The following PDE10A variants were observed in gnomAD, a reference collection of about 807,000 sequenced individuals.
PDE10A encodes cAMP and cAMP-inhibited cGMP 3',5'-cyclic phosphodiesterase 10A.
PDE10A carries 39 observed loss-of-function variants against 97.7 expected under a neutral mutation model. That is an observed-to-expected ratio of 0.40 (90% CI 0.31 to 0.52). The LOEUF (loss-of-function observed/expected upper bound fraction) is 0.52, where lower values mean the gene tolerates loss of function less well. PDE10A is among the 20% of genes least tolerant of loss of function. PDE10A has a pLI of 0.56. For missense variants in PDE10A, 731 were observed against 1,047.8 expected, an observed-to-expected ratio of 0.70 and a Z score of 4.17; for synonymous variants, 371 against 376.8, an observed-to-expected ratio of 0.98 and a Z score of 0.18.
chr6:165,582,427 T>G (rs904157677), intron 1 of PDE10A, among the ~76,000 whole-genome samples: 2 of 152,196 alleles, frequency 1.3e-5, no homozygotes, highest in African/African-American at 4.8e-5. Context: ...ATAACAGGAC[T>G]GTATTTCAAA....
chr6:165,839,795 C>T (rs1583172795), intron 1 of PDE10A, among the ~76,000 whole-genome samples: 1 of 151,044 alleles, frequency 6.6e-6, no homozygotes, highest in South Asian at 2.1e-4. Flanking sequence ...TCTCCATCCC[C>T]ATCCCCTTCT....
At chr6:165,458,531 C>T (rs1022969289) in intron 3 of PDE10A, among the ~76,000 whole-genome samples, 1 of 152,142 alleles carries the variant, frequency 6.6e-6, no homozygotes, top group Non-Finnish European at 1.5e-5. Context: ...TATTACGCCA[C>T]CAGTCTATGG....
At position 165,388,699 on chromosome 6, in the gene PDE10A, G is replaced by T. The variant is rs1785468201; in HGVS notation, c.2455-246C>A. On this transcript the variant is annotated intron_variant, in intron 16 of 21. Transcript: ENST00000539869. The surrounding 1 kb of genome is among the most constrained non-coding windows in gnomAD (Gnocchi z 4.0). ...GGAATCTGATAGTCAAATTATTTTT[G>T]AGTTTCTCTCTCAACTCTAGGAAAA... 1.3e-5 allele frequency among the ~76,000 whole-genome samples: 2 copies of T among 151,970 alleles called. No homozygotes were observed. Among genetic ancestry groups the T allele is most frequent in the African/African-American group, 2.4e-5 (1 of 41,356 alleles).
chr6:165,920,288 G>A (rs1339718110), intron 1 of PDE10A, among the ~76,000 whole-genome samples: 2 of 151,928 alleles, frequency 1.3e-5, no homozygotes, highest in Non-Finnish European at 2.9e-5. Context: ...CATGATCAAG[G>A]GCATACATTT....
At chr6:165,453,452 T>C (rs1777757612) in intron 3 of PDE10A, among the ~76,000 whole-genome samples, 1 of 152,224 alleles carries the variant, frequency 6.6e-6, no homozygotes, top group South Asian at 2.1e-4. Flanking sequence ...TTCAGAGATC[T>C]TGGAGGCCAT....
At chr6:165,845,958 T>C (rs185273389) in intron 1 of PDE10A, among the ~76,000 whole-genome samples, 3 of 152,176 alleles carry the variant, frequency 2.0e-5, no homozygotes, top group African/African-American at 7.2e-5. Flanking sequence ...GTCTGTATAA[T>C]GCAGCGATTT....
At chr6:165,674,304 C>A (rs780739053) in intron 1 of PDE10A, among the ~76,000 whole-genome samples, 8 of 150,364 alleles carry the variant, frequency 5.3e-5, no homozygotes, top group Non-Finnish European at 8.8e-5. Flanking sequence ...TGGTCCCTGG[C>A]GTGCAGCAGG....
chr6:165,821,461 A>T (rs991430898), intron 1 of PDE10A, among the ~76,000 whole-genome samples: 2 of 152,212 alleles, frequency 1.3e-5, no homozygotes, highest in East Asian at 3.8e-4. Flanking sequence ...GATGTCATTT[A>T]TTTAAATGTA....
At position 165,958,543 on chromosome 6, in the gene PDE10A, AAGAAAGAAAGAAAGAAAGAAAGACAGAC is replaced by A. The variant is rs1422881049; in HGVS notation, c.-615+28958_-615+28985del. ...AAAGAAAGAAAGAAAGAAAGAAAGAAAGAAAGAAAGAAAGAAAGAAAGACAGACAGAAAGAAAGACAGAAAGAGAGAAA... is the reference window on the plus strand; with the variant it reads ...AAAGAAAGAAAGAAAGAAAGAAAGAAAGAAAGAAAGACAGAAAGAGAGAAA... On this transcript the variant is annotated intron_variant, in intron 1 of 19. Transcript: ENST00000366882. 5.4e-3 allele frequency among the ~76,000 whole-genome samples: 456 copies of A among 84,620 alleles called. 35 individuals carry two copies. The highest frequency in any genetic ancestry group is 0.015 in the African/African-American group (322 of 21,040). The allele number at this position is 84,620 out of a possible 152,430, so 55.5% of individuals were successfully genotyped here. A position where few individuals can be genotyped will look rare whatever the true frequency, so the allele number is the denominator to read the frequency against.
chr6:165,754,629 A>T (rs1374443439), intron 1 of PDE10A, among the ~76,000 whole-genome samples: 1 of 152,184 alleles, frequency 6.6e-6, no homozygotes, highest in African/African-American at 2.4e-5. Context: ...TAAAACAGTT[A>T]TATTACTTAA....
chr6:165,659,100 T>C (rs1471988345), intron 1 of PDE10A, among the ~76,000 whole-genome samples: 4 of 152,194 alleles, frequency 2.6e-5, no homozygotes, highest in East Asian at 1.9e-4. Context: ...CCGGTCAGTG[T>C]GAAGAGCCAA....
chr6:165,967,432 G>A (rs1487878545), intron 1 of PDE10A, among the ~76,000 whole-genome samples: 1 of 152,216 alleles, frequency 6.6e-6, no homozygotes, highest in Non-Finnish European at 1.5e-5. Flanking sequence ...GGGAGGCAAA[G>A]GTTGCAGTGA....
chr6:165,604,490 T>C (rs959380199), intron 1 of PDE10A, among the ~76,000 whole-genome samples: 1 of 141,054 alleles, frequency 7.1e-6, no homozygotes, highest in African/African-American at 2.7e-5. Flanking sequence ...AGAAGCTACA[T>C]GCACAAGACT....
intron 1 of PDE10A, among the ~76,000 whole-genome samples, chr6:165,790,326 G>T (rs1778612801): frequency 6.6e-6 from 1 of 152,118 alleles, no homozygotes; most frequent in Non-Finnish European, 1.5e-5. Flanking sequence ...AGGTAGAAAG[G>T]AAATACATAT....
At chr6:165,876,686 C>T (rs922849787) in intron 1 of PDE10A, among the ~76,000 whole-genome samples, 1 of 152,196 alleles carries the variant, frequency 6.6e-6, no homozygotes, top group Non-Finnish European at 1.5e-5. Context: ...AAACCTGCAG[C>T]CTCCCAGTTC....
At chr6:165,365,713 G>A (rs922487416) in intron 18 of PDE10A, among the ~76,000 whole-genome samples, 9 of 151,916 alleles carry the variant, frequency 5.9e-5, no homozygotes, top group South Asian at 2.1e-4. Context: ...GAGAAAACCC[G>A]GTCTCAAAAA....
chr6:165,602,497 G>A (rs1373435654), intron 1 of PDE10A, among the ~76,000 whole-genome samples: 2 of 152,158 alleles, frequency 1.3e-5, no homozygotes, highest in African/African-American at 2.4e-5. Flanking sequence ...TTTCTGGGCA[G>A]GAGAATAGGC....
intron 1 of PDE10A, among the ~76,000 whole-genome samples, chr6:165,570,237 A>C (rs572755921): frequency 6.6e-6 from 1 of 152,212 alleles, no homozygotes; most frequent in Non-Finnish European, 1.5e-5. Context: ...AAAAGGCAGA[A>C]TGAATCTTTT....
intron 1 of PDE10A, among the ~76,000 whole-genome samples, chr6:165,641,162 A>G (rs1448460898): frequency 1.3e-5 from 2 of 152,214 alleles, no homozygotes; most frequent in South Asian, 2.1e-4. Context: ...CGTGGGGGCC[A>G]GTAAGGGGTG....
Sources: gnomAD v4.1 joint callset for allele counts (sites outside exome capture counted in the v4.1 genomes callset) on GRCh38, gnomAD v4.1.1 for gene constraint, Gnocchi (gnomAD v3.1) non-coding constraint, MANE v1.5 for transcripts, NCBI Gene and HGNC (gene_info 2026-07-23, HGNC 2026-07-21) for gene names.